Variants in DYNC2H1 observed in about 807,000 individuals in gnomAD.
DYNC2H1 encodes dynein cytoplasmic 2 heavy chain 1, also known as cytoplasmic dynein 2 heavy chain 1.
A neutral mutation model predicts 570.0 loss-of-function variants in DYNC2H1; 410 were observed. The observed-to-expected ratio is 0.72, with a 90% confidence interval of 0.66 to 0.78. The LOEUF (loss-of-function observed/expected upper bound fraction) is 0.78. DYNC2H1 is among the 30% of genes least tolerant of loss of function. The pLI, the probability that DYNC2H1 is intolerant of heterozygous loss-of-function variation, is 0.00. For missense variants in DYNC2H1, 4,865 were observed against 5,046.4 expected (o/e 0.96, Z 1.09); for synonymous variants, 1,688 against 1,677.6 (o/e 1.01, Z -0.15).
rs1009424655 is a variant in DYNC2H1 at position 103,201,469 on chromosome 11, G to A, written c.8197+1315G>A. On this transcript the variant is annotated intron_variant, in intron 50 of 88. Transcript: ENST00000375735. This position sits in a 1 kb window ranked among gnomAD's most constrained non-coding sequence, Gnocchi z 4.8. ...CAGCATTTCTCACCCCTAATTGCACGTTAGAATCACTAGGATAATTAAAAA... is the reference window on the plus strand; with the variant it reads ...CAGCATTTCTCACCCCTAATTGCACATTAGAATCACTAGGATAATTAAAAA... Among the ~76,000 whole-genome samples, 4 of 152,006 alleles carry A rather than the reference G, an allele frequency of 2.6e-5. No homozygotes were observed. The highest frequency in any genetic ancestry group is 7.2e-5 in the African/African-American group (3 of 41,402).
At chr11:103,200,585 G>A (rs1490447203) in intron 50 of DYNC2H1, among the ~76,000 whole-genome samples, 1 of 152,096 alleles carries the variant, frequency 6.6e-6, no homozygotes, top group East Asian at 1.9e-4. Flanking sequence ...ACAAACATTT[G>A]ATAGAACCTT....
chr11:103,345,059 G>T (rs926500717), intron 82 of DYNC2H1, among the ~76,000 whole-genome samples: 1 of 152,046 alleles, frequency 6.6e-6, no homozygotes, highest in Non-Finnish European at 1.5e-5. Context: ...ATGCATTTGT[G>T]CCCAAAAACA....
chr11:103,436,483 A>C (rs1944064205), intron 85 of DYNC2H1, among the ~76,000 whole-genome samples: 2 of 152,032 alleles, frequency 1.3e-5, no homozygotes, highest in Admixed American at 1.3e-4. Context: ...TTTAAGGAAT[A>C]GTAAACATGA....
chr11:103,371,545 C>T (rs1941146673), intron 83 of DYNC2H1, among the ~76,000 whole-genome samples: 1 of 152,022 alleles, frequency 6.6e-6, no homozygotes, highest in Non-Finnish European at 1.5e-5. Flanking sequence ...AGAAAGGATC[C>T]TAAAAGCAGT....
At chr11:103,132,815 G>C (rs756709652) in intron 13 of DYNC2H1, among the ~76,000 whole-genome samples, 6 of 151,850 alleles carry the variant, frequency 4.0e-5, no homozygotes, top group Non-Finnish European at 5.9e-5. Context: ...CAACTTGGAG[G>C]CACCTTGTTG....
intron 30 of DYNC2H1, among the ~76,000 whole-genome samples, chr11:103,164,806 A>C (rs1861234661): frequency 6.6e-6 from 1 of 152,196 alleles, no homozygotes; most frequent in South Asian, 2.1e-4. Context: ...ACTTAACTCT[A>C]ACTTTTGTTA....
At position 103,152,589 on chromosome 11, in the gene DYNC2H1, A is replaced by G. The variant is rs147474477; in HGVS notation, c.3096+304A>G. Among the ~76,000 whole-genome samples the G allele has an allele frequency of 8.6e-3, 1,313 of 152,170 alleles. 11 individuals are homozygous for G. Among genetic ancestry groups the G allele is most frequent in the Non-Finnish European group, 0.015 (994 of 67,990 alleles). ...TATTGCTGAAACTCATGTTTTCTTTAATTACTAAATTTATTAGGATATCAG... is the reference window on the plus strand; with the variant it reads ...TATTGCTGAAACTCATGTTTTCTTTGATTACTAAATTTATTAGGATATCAG... On this transcript the variant is annotated intron_variant, in intron 21 of 88. Coordinates refer to ENST00000375735, the MANE Select transcript of DYNC2H1 (RefSeq NM_001377.3).
intron 84 of DYNC2H1, among the ~76,000 whole-genome samples, chr11:103,417,542 T>C (rs1415706206): frequency 6.6e-6 from 1 of 152,128 alleles, no homozygotes; most frequent in African/African-American, 2.4e-5. Context: ...AAATGGATAA[T>C]GCATCATCCC....
chr11:103,134,334 T>A lies in DYNC2H1; in HGVS notation c.2120T>A (p.Met707Lys). The A allele has an allele frequency of 6.2e-7, 1 of 1,613,052 alleles. No individual in the cohort carries two copies. The highest frequency in any genetic ancestry group is 8.5e-7 in the Non-Finnish European group (1 of 1,179,236). The change falls in exon 15 of 89, where the codon ATG becomes AAG. Residue 707 changes from methionine (M) to lysine (K), a missense_variant. Physicochemically the swap from Met to Lys is moderately conservative, Grantham distance 95. Transcript: ENST00000375735. ...AATTTTTCATAGGTGGTTGTTCTTA[T>A]GAATATTGATCTGCTTCGGCAGCAA... is the stretch of plus-strand genomic sequence containing the variant. ...TTFCEKVVVL[M>K]NIDLLRQQQR...
chr11:103,228,806 T>C lies in DYNC2H1; in HGVS notation c.9354-2454T>C, dbSNP rs1415008987. Among the ~76,000 whole-genome samples, 1 of 152,116 alleles carries C rather than the reference T, an allele frequency of 6.6e-6. No individual in the cohort carries two copies. Among genetic ancestry groups the C allele is most frequent in the Non-Finnish European group, 1.5e-5 (1 of 68,010 alleles). The stretch of plus-strand genomic sequence containing the variant: ...GGGCCTTAGAGCTTTCAAGATATTA[T>C]GACCTTTGTTTTTGGCTACCAGGGT... On this transcript the variant is annotated intron_variant, in intron 59 of 88. Transcript: ENST00000375735. This position sits in a 1 kb window ranked among gnomAD's most constrained non-coding sequence, Gnocchi z 6.1.
chr11:103,367,225 G>A (rs1407109976), intron 83 of DYNC2H1, among the ~76,000 whole-genome samples: 2 of 152,014 alleles, frequency 1.3e-5, no homozygotes, highest in East Asian at 3.9e-4. Flanking sequence ...TATCAGATGA[G>A]TTTTTTAAAA....
chr11:103,416,240 A>G (rs3019071), intron 84 of DYNC2H1, among the ~76,000 whole-genome samples: 91,998 of 152,062 alleles, frequency 0.61, 29,863 homozygotes, highest in African/African-American at 0.86. Context: ...CATGGCACAT[A>G]TATACCTATG....
chr11:103,332,478 G>T (rs563033567), intron 82 of DYNC2H1, among the ~76,000 whole-genome samples: 54 of 151,836 alleles, frequency 3.6e-4, no homozygotes, highest in African/African-American at 1.3e-3. Context: ...ACACACACAG[G>T]CATAAAATAT....
intron 70 of DYNC2H1, among the ~76,000 whole-genome samples, chr11:103,272,113 C>G: frequency 6.6e-6 from 1 of 152,206 alleles, no homozygotes; most frequent in African/African-American, 2.4e-5. Context: ...GCTGTAAAGA[C>G]ACATGCACAC....
At chr11:103,452,019 CT>C (rs539126955) in intron 85 of DYNC2H1, among the ~76,000 whole-genome samples, 1 of 152,044 alleles carries the variant, frequency 6.6e-6, no homozygotes, top group South Asian at 2.1e-4. Flanking sequence ...AATCTCACCC[CT>C]TTTTTTCCTC....
intron 75 of DYNC2H1, among the ~76,000 whole-genome samples, chr11:103,298,275 A>G (rs1031830535): frequency 4.6e-5 from 7 of 152,028 alleles, no homozygotes; most frequent in African/African-American, 1.7e-4. Flanking sequence ...TGCTGTTCCT[A>G]TTGCTCAAAC....
Position 103,187,355 on chromosome 11 carries a change from C to T in DYNC2H1, c.6909C>T (p.Tyr2303=), listed in dbSNP as rs191012679. The change falls in exon 43 of 89, where the codon TAC becomes TAT. Residue 2303 remains tyrosine (Y), a synonymous_variant. Coordinates refer to ENST00000375735, the MANE Select transcript of DYNC2H1 (RefSeq NM_001377.3). ...TTTTTCGTAGGATGCTGCTCAGGTACGCATTTTCACAACTCCGGTCCACTC... is the reference window on the plus strand; with the variant it reads ...TTTTTCGTAGGATGCTGCTCAGGTATGCATTTTCACAACTCCGGTCCACTC... ...EGCGKGMLLR[Y]AFSQLRSTQI... is the part of the protein sequence containing the mutation. The T allele has an allele frequency of 4.2e-4, 678 of 1,612,860 alleles. 2 individuals are homozygous for T. In the African/African-American group the frequency reaches 6.5e-3, roughly 15 times the overall value.
Position 103,399,883 on chromosome 11 carries a change from A to G in DYNC2H1, c.12366+11A>G. On this transcript the variant is annotated intron_variant, in intron 84 of 88. Transcript: ENST00000375735. ...TTATTAAACCAAAAGGTAAGCGAGT[A>G]CTAACTGTATGTATTTTTATTTCAT... 1.9e-6 allele frequency: 3 copies of G among 1,600,004 alleles called. No homozygotes were observed. Among genetic ancestry groups the G allele is most frequent in the Non-Finnish European group, 2.6e-6 (3 of 1,168,358 alleles).
At chr11:103,331,377 T>A (rs1033256194) in intron 82 of DYNC2H1, among the ~76,000 whole-genome samples, 2 of 152,034 alleles carry the variant, frequency 1.3e-5, no homozygotes, top group East Asian at 3.9e-4. Context: ...AACACAGCTA[T>A]TTTGTGGGGA....
Sources: allele counts gnomAD v4.1 joint callset (sites outside exome capture counted in the v4.1 genomes callset), GRCh38; gene constraint gnomAD v4.1.1; non-coding constraint Gnocchi (gnomAD v3.1); transcripts MANE v1.5; gene names NCBI Gene and HGNC (gene_info 2026-07-23, HGNC 2026-07-21).